The following PCSK2 variants were observed in gnomAD, a reference collection of about 807,000 sequenced individuals.
PCSK2 encodes the protein neuroendocrine convertase 2.
A neutral mutation model predicts 69.7 loss-of-function variants in PCSK2; 14 were observed. The ratio of observed to expected loss-of-function variants is 0.20; its 90% CI spans 0.13 to 0.31. The LOEUF (loss-of-function observed/expected upper bound fraction) is 0.31, where lower values mean the gene tolerates loss of function less well. PCSK2 is among the 10% of genes least tolerant of loss of function. The probability of loss-of-function intolerance (pLI) is 1.00; values close to 1 mark genes in which losing one functional copy is unlikely to be tolerated. For missense variants in PCSK2, 544 were observed against 842.5 expected (o/e 0.65, Z 4.39); for synonymous variants, 307 against 320.7 (o/e 0.96, Z 0.46).
intron 5 of PCSK2, among the ~76,000 whole-genome samples, chr20:17,379,982 C>T (rs566169585): frequency 7.0e-4 from 106 of 152,250 alleles, no homozygotes; most frequent in Middle Eastern, 3.4e-3. Context: ...CAAGGAATGG[C>T]GGACTCCCTG....
intron 1 of PCSK2, among the ~76,000 whole-genome samples, chr20:17,257,446 T>A (rs1239021005): frequency 6.6e-6 from 1 of 152,222 alleles, no homozygotes; most frequent in Non-Finnish European, 1.5e-5. Flanking sequence ...GGATTATAAA[T>A]CATTCTACTC....
intron 2 of PCSK2, among the ~76,000 whole-genome samples, chr20:17,272,510 T>A (rs1421951851): frequency 6.6e-6 from 1 of 152,142 alleles, no homozygotes; most frequent in African/African-American, 2.4e-5. Flanking sequence ...TTTCATCTTA[T>A]TAGAGTTCAT....
chr20:17,393,469 A>T (rs1340173592), intron 5 of PCSK2, among the ~76,000 whole-genome samples: 1 of 151,966 alleles, frequency 6.6e-6, no homozygotes, highest in East Asian at 1.9e-4. Flanking sequence ...GCTAAAAAAA[A>T]GTTAGAATTA....
chr20:17,311,509 T>C (rs78770212), intron 2 of PCSK2, among the ~76,000 whole-genome samples: 14,336 of 152,098 alleles, frequency 0.094, 866 homozygotes, highest in South Asian at 0.28. Context: ...AGCAAGCAGA[T>C]GACTGAATCC....
chr20:17,334,713 T>C (rs919059592), intron 2 of PCSK2, among the ~76,000 whole-genome samples: 2 of 152,170 alleles, frequency 1.3e-5, no homozygotes, highest in Non-Finnish European at 2.9e-5. Context: ...GTAGAAGACC[T>C]GGAACCACAG....
intron 5 of PCSK2, among the ~76,000 whole-genome samples, chr20:17,385,362 C>A (rs1244123437): frequency 6.6e-6 from 1 of 152,182 alleles, no homozygotes; most frequent in Non-Finnish European, 1.5e-5. Context: ...GGGGGCATAG[C>A]ACCCTCATTT....
At position 17,358,451 on chromosome 20, in the gene PCSK2, T is replaced by C; in HGVS notation, c.396+11T>C. The C allele has an allele frequency of 7.3e-7, 1 of 1,363,190 alleles. No individual in the cohort carries two copies. Among genetic ancestry groups the C allele is most frequent in the Non-Finnish European group, 1.1e-6 (1 of 951,196 alleles). 84.4% of individuals were successfully genotyped at this position (1,363,190 alleles called of 1,614,324 possible). ...AAGCAGTGGTATCTGGTGAGTGTCT[T>C]TATGTCCTTTTGGACATTTCCCATC... On this transcript the variant is annotated intron_variant, in intron 3 of 11. Transcript: ENST00000262545.
At chr20:17,466,417 G>C (rs2269033) in intron 11 of PCSK2, among the ~76,000 whole-genome samples, 66,386 of 151,916 alleles carry the variant, frequency 0.44, 14,613 homozygotes, top group South Asian at 0.61. Context: ...AACACAATTC[G>C]TTTATTCATT....
intron 6 of PCSK2, among the ~76,000 whole-genome samples, 196 bp downstream of exon 6, chr20:17,409,535 T>G (rs920640542): frequency 6.6e-6 from 1 of 152,252 alleles, no homozygotes; most frequent in African/African-American, 2.4e-5. Flanking sequence ...AATAATCTTT[T>G]GACTGTTTTG....
rs570527287 is a variant in PCSK2, at chr20:17,302,739, A to G, written c.282+42395A>G. Among the ~76,000 whole-genome samples the G allele has an allele frequency of 1.8e-4, 27 of 152,278 alleles. No homozygotes were observed. The South Asian group carries it at 5.2e-3, about 29-fold the overall frequency. On this transcript the variant is annotated intron_variant, in intron 2 of 11. Coordinates refer to ENST00000262545, the MANE Select transcript of PCSK2 (RefSeq NM_002594.5). ...GAATGAGATTTGTTTGACCCCAGTCATCAGAAAAGCTTTGAGGAACGCACT... is the reference window on the plus strand; with the variant it reads ...GAATGAGATTTGTTTGACCCCAGTCGTCAGAAAAGCTTTGAGGAACGCACT...
At chr20:17,407,721 G>C (rs1180498735) in intron 5 of PCSK2, among the ~76,000 whole-genome samples, 3 of 152,076 alleles carry the variant, frequency 2.0e-5, no homozygotes, top group African/African-American at 7.2e-5. Context: ...GGTCTAAGTG[G>C]GGAAGGAGTC....
At chr20:17,313,356 C>T (rs1337846267) in intron 2 of PCSK2, among the ~76,000 whole-genome samples, 2 of 152,042 alleles carry the variant, frequency 1.3e-5, no homozygotes, top group East Asian at 1.9e-4. Flanking sequence ...ATAAAACTCT[C>T]TCTTCAGGGT....
intron 2 of PCSK2, among the ~76,000 whole-genome samples, chr20:17,268,060 T>TATATATATATATATATATAA (rs1395373344): frequency 2.1e-5 from 3 of 146,226 alleles, no homozygotes; most frequent in African/African-American, 7.6e-5. Context: ...TATATATATA[T>TATATATATATATATATATAA]ATAATGCATT....
chr20:17,385,346 T>C (rs1263099847), intron 5 of PCSK2, among the ~76,000 whole-genome samples: 1 of 152,206 alleles, frequency 6.6e-6, no homozygotes, highest in Non-Finnish European at 1.5e-5. Context: ...AACTGCTGAA[T>C]ATCTTGGGGG....
At chr20:17,412,704 A>G (rs2123309229) in intron 6 of PCSK2, among the ~76,000 whole-genome samples, 1 of 152,338 alleles carries the variant, frequency 6.6e-6, no homozygotes, top group Middle Eastern at 3.4e-3. Flanking sequence ...CTCCTCAAGA[A>G]GAGGAACTCC....
chr20:17,394,777 G>T (rs6080675), intron 5 of PCSK2, among the ~76,000 whole-genome samples: 3 of 152,282 alleles, frequency 2.0e-5, no homozygotes, highest in East Asian at 1.9e-4. Context: ...ACTTAATAAG[G>T]TATGTGCCCA....
Position 17,227,252 on chromosome 20 carries a change from C to T in PCSK2, c.-54C>T. The T allele has an allele frequency of 7.3e-7, 1 of 1,371,678 alleles. No individual in the cohort carries two copies. Among genetic ancestry groups the T allele is most frequent in the East Asian group, 2.3e-5 (1 of 43,704 alleles). The allele number at this position is 1,371,678 out of a possible 1,614,324, so 85.0% of individuals were successfully genotyped here. On this transcript the variant is annotated 5_prime_UTR_variant, in exon 1 of 12. Transcript: ENST00000262545. Reference sequence around the variant, plus strand: ...TTATTTGCACCCTCCCTCCGAGTCCCCTGCTCCGCCAGCCTGCGCGCCTCC... The same window carrying T: ...TTATTTGCACCCTCCCTCCGAGTCCTCTGCTCCGCCAGCCTGCGCGCCTCC...
chr20:17,385,713 G>A (rs1191131350), intron 5 of PCSK2, among the ~76,000 whole-genome samples: 2 of 152,148 alleles, frequency 1.3e-5, no homozygotes, highest in Non-Finnish European at 2.9e-5. Context: ...GGAATTTGGT[G>A]CCAGGAAGCA....
chr20:17,237,990 G>A (rs548867467), intron 1 of PCSK2, among the ~76,000 whole-genome samples: 9 of 152,262 alleles, frequency 5.9e-5, no homozygotes, highest in African/African-American at 2.2e-4. Flanking sequence ...TTTTGTCCTG[G>A]CATATGCTCA....
Sources: allele counts gnomAD v4.1 joint callset (sites outside exome capture counted in the v4.1 genomes callset), GRCh38; gene constraint gnomAD v4.1.1; transcripts MANE v1.5; gene names NCBI Gene and HGNC (gene_info 2026-07-23, HGNC 2026-07-21).